Variants in DST observed in about 807,000 individuals in gnomAD.
DST encodes the protein dystonin.
Under a neutral mutation model 875.2 loss-of-function variants are expected in DST, and 253 were observed. The observed-to-expected ratio is 0.29, with a 90% confidence interval of 0.26 to 0.32. The LOEUF (loss-of-function observed/expected upper bound fraction) is 0.32. DST is among the 10% of genes least tolerant of loss of function. The pLI is 1.00. For synonymous variants in DST, 3,124 were observed against 3,197.1 expected, an observed-to-expected ratio of 0.98 and a Z score of 0.77; for missense variants, 8,287 against 9,111.6, an observed-to-expected ratio of 0.91 and a Z score of 3.68.
intron 67 of DST, among the ~76,000 whole-genome samples, chr6:56,528,446 C>T (rs1459992842): frequency 1.3e-5 from 2 of 152,080 alleles, no homozygotes; most frequent in Non-Finnish European, 2.9e-5. Flanking sequence ...AAATGAAGCC[C>T]ATGTATAGCT....
At chr6:56,882,126 T>C (rs1207388950) in intron 3 of DST, among the ~76,000 whole-genome samples, 1 of 152,216 alleles carries the variant, frequency 6.6e-6, no homozygotes, top group Non-Finnish European at 1.5e-5. Flanking sequence ...CTCAAAGCAA[T>C]ATGTCAGAAC....
Position 56,533,714 on chromosome 6 carries a change from G to A in DST, c.16942-1204C>T, listed in dbSNP as rs187243260. ...GGGAGTTAACTTTAAATTGTGAATG[G>A]TAGACACTGTATTATGCAAAAATCG... On this transcript the variant is annotated intron_variant, in intron 63 of 103. Transcript: ENST00000680361. Among the ~76,000 whole-genome samples the A allele has an allele frequency of 8.8e-4, 134 of 152,226 alleles. 2 individuals are homozygous for A. Among genetic ancestry groups the A allele is most frequent in the African/African-American group, 3.1e-3 (128 of 41,552 alleles).
intron 4 of DST, among the ~76,000 whole-genome samples, chr6:56,801,076 T>A (rs1203963349): frequency 6.6e-6 from 1 of 151,840 alleles, no homozygotes; most frequent in African/African-American, 2.4e-5. Context: ...TGTGCAAAAT[T>A]TTAATCTGTT....
Position 56,627,186 on chromosome 6 carries a change from G to A in DST, c.4722+18C>T, listed in dbSNP as rs756001135. 2.5e-5 allele frequency: 39 copies of A among 1,562,126 alleles called. No homozygotes were observed. The South Asian group carries it at 3.7e-4, about 15-fold the overall frequency. On this transcript the variant is annotated intron_variant, in intron 34 of 103. Transcript: ENST00000680361. Reference sequence around the variant, plus strand: ...AACCTGAATATTAAATTTTACTAAAGTTAATGAATCTTCCTACCTTCACTG... The same window carrying A: ...AACCTGAATATTAAATTTTACTAAAATTAATGAATCTTCCTACCTTCACTG...
intron 4 of DST, among the ~76,000 whole-genome samples, chr6:56,816,829 T>G (rs2099767115): frequency 1.3e-5 from 2 of 151,718 alleles, no homozygotes; most frequent in African/African-American, 4.8e-5. Context: ...TTTTTTTTTT[T>G]GCTTTTTCTA....
chr6:56,625,196 G>A lies in DST; in HGVS notation c.4791C>T (p.Arg1597=). The change falls in exon 35 of 104, where the codon CGC becomes CGT. Residue 1597 remains arginine (R), a synonymous_variant. Coordinates refer to ENST00000680361, the MANE Select transcript of DST (RefSeq NM_001374736.1). ...GATCTGCTGAACTCTGCATTCTTCG[G>A]CGTTTCACTGGAGATTTTTGTTGTG... ...VDSQQKSPVK[R]RRMQSSADLI... is the part of the protein sequence containing the mutation. 1 of 1,613,378 alleles carries A rather than the reference G, an allele frequency of 6.2e-7. No homozygotes were observed. Among genetic ancestry groups the A allele is most frequent in the South Asian group, 1.1e-5 (1 of 91,060 alleles).
intron 4 of DST, among the ~76,000 whole-genome samples, chr6:56,759,333 C>T (rs2099611876): frequency 6.6e-6 from 1 of 151,966 alleles, no homozygotes; most frequent in Non-Finnish European, 1.5e-5. Flanking sequence ...TGCCTGTAGT[C>T]CCAGCTACTC....
intron 88 of DST, 53 bp downstream of exon 88, chr6:56,485,259 G>T: frequency 6.3e-7 from 1 of 1,590,966 alleles, no homozygotes; most frequent in Non-Finnish European, 8.6e-7. Flanking sequence ...TACATTTCCT[G>T]TACACTCAGA....
intron 4 of DST, among the ~76,000 whole-genome samples, chr6:56,781,402 C>T (rs1047160272): frequency 6.6e-6 from 1 of 152,110 alleles, no homozygotes; most frequent in Non-Finnish European, 1.5e-5. Flanking sequence ...TTTCATTGAG[C>T]AGTGGTTTGT....
At chr6:56,584,908 G>A (rs1288677293) in intron 49 of DST, among the ~76,000 whole-genome samples, 1 of 152,026 alleles carries the variant, frequency 6.6e-6, no homozygotes, top group Non-Finnish European at 1.5e-5. Context: ...ATTGATTTGT[G>A]TATATTGAAC....
intron 80 of DST, among the ~76,000 whole-genome samples, chr6:56,498,738 C>T (rs1302044361): frequency 6.6e-6 from 1 of 151,996 alleles, no homozygotes; most frequent in African/African-American, 2.4e-5. Context: ...AAAAAAATTC[C>T]AGAATATTCC....
At chr6:56,532,117 T>G (rs968385540) in intron 64 of DST, among the ~76,000 whole-genome samples, 2 of 152,126 alleles carry the variant, frequency 1.3e-5, no homozygotes, top group Non-Finnish European at 2.9e-5. Flanking sequence ...AATGAAGTAA[T>G]CACTCCCAAG....
At chr6:56,872,787 G>T (rs1291989094) in intron 3 of DST, among the ~76,000 whole-genome samples, 1 of 150,332 alleles carries the variant, frequency 6.7e-6, no homozygotes. Flanking sequence ...AAAATAAATA[G>T]GTATGGAAGT....
rs576992682 is a variant in DST, at chr6:56,601,303, G to A, written c.11541+140C>T. Reference sequence around the variant, plus strand: ...AGTGAAAACAATATTGTTATACACTGTAGGATTTGTATGTACACTGTATCT... The same window carrying A: ...AGTGAAAACAATATTGTTATACACTATAGGATTTGTATGTACACTGTATCT... On this transcript the variant is annotated intron_variant, in intron 44 of 103. Transcript: ENST00000680361. The A allele has an allele frequency of 3.0e-5, 18 of 605,742 alleles. No individual in the cohort carries two copies. In the South Asian group the frequency reaches 3.9e-4, roughly 13 times the overall value. 37.5% of individuals were successfully genotyped at this position (605,742 alleles called of 1,614,324 possible).
At position 56,635,617 on chromosome 6, in the gene DST, T is replaced by C; in HGVS notation, c.3158A>G (p.Lys1053Arg). 6.2e-7 allele frequency: 1 copy of C among 1,614,038 alleles called. No homozygotes were observed. The highest frequency in any genetic ancestry group is 8.5e-7 in the Non-Finnish European group (1 of 1,179,934). The change falls in exon 24 of 104, where the codon AAG (lysine) becomes AGG (arginine). Residue 1053 changes from lysine to arginine, a missense_variant. By Grantham distance (26) the Lys-to-Arg change is conservative (BLOSUM62 2). Transcript: ENST00000680361. ...TGATTCCTGAACAAGGTCTTCTAGC[T>C]TGTGAATGCTGCTTGATCTATCACA... The part of the protein sequence containing the change: ...YSCDRSSSIH[K>R]LEDLVQESME...
chr6:56,897,504 T>C (rs1792019199), intron 3 of DST, among the ~76,000 whole-genome samples: 1 of 152,128 alleles, frequency 6.6e-6, no homozygotes, highest in African/African-American at 2.4e-5. Flanking sequence ...CTAATTTTTG[T>C]ACTTTTAGTA....
intron 93 of DST, among the ~76,000 whole-genome samples, chr6:56,472,495 C>T (rs556677405): frequency 6.6e-6 from 1 of 152,268 alleles, no homozygotes; most frequent in East Asian, 1.9e-4. Flanking sequence ...CTTAAAACAT[C>T]TTCCAGCTTA....
In DST at chr6:56,476,324, G is replaced by A. The variant is rs780577131; in HGVS notation, c.21689C>T (p.Ala7230Val). Residue 7230 changes from alanine (A) to valine (V), a missense_variant, in exon 92 of 104, where the codon GCA becomes GTA. Ala to Val is a moderately conservative substitution (Grantham distance 64, BLOSUM62 0). Coordinates refer to ENST00000680361, the MANE Select transcript of DST (RefSeq NM_001374736.1). ...RARFEEVLAW[A>V]KQHQQRLASA... is the part of the protein sequence containing the mutation. The stretch of plus-strand genomic sequence containing the variant: ...TGCTAATCTCTGCTGATGTTGCTTT[G>A]CCCAGGCCAGCACCTGTCAGAGAAA... 3.0e-5 allele frequency: 48 copies of A among 1,594,600 alleles called. No homozygotes were observed. Among genetic ancestry groups the A allele is most frequent in the Non-Finnish European group, 3.7e-5 (43 of 1,169,254 alleles).
chr6:56,606,630 T>C lies in DST; in HGVS notation c.7998A>G (p.Glu2666=), dbSNP rs2098500784. The change falls in exon 40 of 104, where the codon GAA becomes GAG. Residue 2666 remains glutamate (E), a synonymous_variant. Transcript: ENST00000680361. The stretch of plus-strand genomic sequence containing the variant: ...GTGCCCCCTGGGGAACCATGGAATT[T>C]TCATTCTCTTTTGAGACATCATAAA... ...DVFYDVSKEN[E]NSMVPQGAPV... is the part of the protein sequence containing the mutation. 1 of 1,613,496 alleles carries C rather than the reference T, an allele frequency of 6.2e-7. No individual in the cohort carries two copies. Among genetic ancestry groups the C allele is most frequent in the Non-Finnish European group, 8.5e-7 (1 of 1,179,646 alleles).
Sources: gnomAD v4.1 joint callset for allele counts (sites outside exome capture counted in the v4.1 genomes callset) on GRCh38, gnomAD v4.1.1 for gene constraint, MANE v1.5 for transcripts, NCBI Gene and HGNC (gene_info 2026-07-23, HGNC 2026-07-21) for gene names.